Variants in RAI1 observed in about 807,000 individuals in gnomAD.
RAI1 encodes the protein retinoic acid induced 1, also known as retinoic acid-induced protein 1.
In RAI1, 9 loss-of-function variants were observed where a neutral mutation model predicts 123.8. The observed-to-expected ratio is 0.07, with a 90% CI of 0.04 to 0.13. RAI1 has a LOEUF of 0.13. Among genes scored for constraint, RAI1 ranks in the 10% least tolerant of loss-of-function variants. RAI1 has a pLI of 1.00. For missense variants in RAI1, 2,256 were observed against 2,545.8 expected, an observed-to-expected ratio of 0.89 and a Z score of 2.45; for synonymous variants, 1,231 against 1,127.3, an observed-to-expected ratio of 1.09 and a Z score of -1.84.
At chr17:17,782,458 G>A (rs2031623519) in intron 2 of RAI1, among the ~76,000 whole-genome samples, 1 of 151,658 alleles carries the variant, frequency 6.6e-6, no homozygotes, top group Non-Finnish European at 1.5e-5. Flanking sequence ...ACGTGTGCGG[G>A]GCCGCGCGCC....
intron 2 of RAI1, among the ~76,000 whole-genome samples, chr17:17,771,491 T>A (rs1254427245): frequency 1.3e-5 from 2 of 152,146 alleles, no homozygotes. Context: ...CTCTAGAGGC[T>A]GTGGGGACAG....
intron 2 of RAI1, among the ~76,000 whole-genome samples, chr17:17,782,925 G>T (rs1266629349): frequency 6.6e-6 from 1 of 152,078 alleles, no homozygotes; most frequent in Non-Finnish European, 1.5e-5. Flanking sequence ...CGCCCTGCGC[G>T]CCCCTTGCCG....
At chr17:17,709,415 C>T (rs1472179255) in intron 1 of RAI1, among the ~76,000 whole-genome samples, 1 of 152,128 alleles carries the variant, frequency 6.6e-6, no homozygotes, top group Non-Finnish European at 1.5e-5. Flanking sequence ...TACTCCTACC[C>T]CGACTCTCTT....
Position 17,801,041 on chromosome 17 carries a change from C to G in RAI1, c.5565+2528C>G, listed in dbSNP as rs1223925015. 6.6e-6 allele frequency among the ~76,000 whole-genome samples: 1 copy of G among 152,200 alleles called. No homozygotes were observed. Among genetic ancestry groups the G allele is most frequent in the African/African-American group, 2.4e-5 (1 of 41,452 alleles). On this transcript the variant is annotated intron_variant, in intron 3 of 5. Coordinates refer to ENST00000353383, the MANE Select transcript of RAI1 (RefSeq NM_030665.4). The surrounding 1 kb of genome is among the most constrained non-coding windows in gnomAD (Gnocchi z 4.1). ...GCTGTGTCCCTGGCCCCAGCACTGC[C>G]ACACCCCTCGGTACCTTGACCTCAC...
At chr17:17,706,302 A>G (rs1915393083) in intron 1 of RAI1, among the ~76,000 whole-genome samples, 1 of 152,188 alleles carries the variant, frequency 6.6e-6, no homozygotes, top group Non-Finnish European at 1.5e-5. Context: ...TCCGGCCAGC[A>G]GGGATGGGAC....
At chr17:17,789,114 A>G (rs535467087) in intron 2 of RAI1, among the ~76,000 whole-genome samples, 1 of 152,344 alleles carries the variant, frequency 6.6e-6, no homozygotes, top group South Asian at 2.1e-4. Flanking sequence ...TTTGGCTTGC[A>G]TCCTGCTCCA....
At position 17,809,194 on chromosome 17, in the gene RAI1, C is replaced by T. The variant is rs997573153; in HGVS notation, c.5660-196C>T. ...GGTGAGGTGAGTCAAGACTGCCAGG[C>T]CAGGGGCCGCACCCGCGCCGTGGAG... On this transcript the variant is annotated intron_variant, in intron 4 of 5. Coordinates refer to ENST00000353383, the MANE Select transcript of RAI1 (RefSeq NM_030665.4). The surrounding 1 kb of genome is among the most constrained non-coding windows in gnomAD (Gnocchi z 4.9). The T allele has an allele frequency of 1.5e-6, 1 of 682,670 alleles. No individual in the cohort carries two copies. The highest frequency in any genetic ancestry group is 2.7e-6 in the Non-Finnish European group (1 of 376,248). The allele number at this position is 682,670 out of a possible 1,614,324, so 42.3% of individuals were successfully genotyped here.
intron 1 of RAI1, among the ~76,000 whole-genome samples, chr17:17,712,951 G>C (rs1915609722): frequency 6.6e-6 from 1 of 151,840 alleles, no homozygotes. Flanking sequence ...AATCCAGAGA[G>C]ACAGACAGGA....
intron 4 of RAI1, among the ~76,000 whole-genome samples, chr17:17,805,074 G>A (rs909768230): frequency 2.6e-5 from 4 of 152,054 alleles, no homozygotes; most frequent in Admixed American, 6.6e-5. Context: ...CTTTGGACAG[G>A]ATGGTCTCCA....
chr17:17,709,461 C>T (rs1391280581), intron 1 of RAI1, among the ~76,000 whole-genome samples: 2 of 152,248 alleles, frequency 1.3e-5, no homozygotes, highest in Non-Finnish European at 1.5e-5. Flanking sequence ...CCCTGCCTGC[C>T]TCGGCCTCCC....
At position 17,796,887 on chromosome 17, in the gene RAI1, C is replaced by G. The variant is rs778717850; in HGVS notation, c.3939C>G (p.Ala1313=). ...KLASRAAFQG[A]MKTKVLPPRK... is the part of the protein sequence containing the mutation. ...CCTCTCGGGCAGCCTTCCAGGGGGC[C>G]ATGAAGACCAAGGTGCTGCCACCCC... The change falls in exon 3 of 6, where the codon GCC becomes GCG. Residue 1313 remains alanine (A), a synonymous_variant. Transcript: ENST00000353383. This position sits in a 1 kb window ranked among gnomAD's most constrained non-coding sequence, Gnocchi z 5.8. 1 of 1,613,258 alleles carries G rather than the reference C, an allele frequency of 6.2e-7. No individual in the cohort carries two copies. The highest frequency in any genetic ancestry group is 1.1e-5 in the South Asian group (1 of 91,080).
chr17:17,778,744 G>A (rs1355974298), intron 2 of RAI1: 3 of 456,622 alleles, frequency 6.6e-6, no homozygotes, highest in African/African-American at 6.0e-5. Flanking sequence ...ATGCTGGAGA[G>A]CCCGCCAAGA....
chr17:17,807,029 A>G (rs1472675408), intron 4 of RAI1, among the ~76,000 whole-genome samples: 4 of 152,044 alleles, frequency 2.6e-5, no homozygotes, highest in African/African-American at 4.8e-5. Context: ...CTCGCCCACC[A>G]TCAGCAGGCG....
At chr17:17,697,190 A>G (rs1465815155) in intron 1 of RAI1, among the ~76,000 whole-genome samples, 4 of 152,248 alleles carry the variant, frequency 2.6e-5, no homozygotes, top group Non-Finnish European at 5.9e-5. Flanking sequence ...ACGGTTTGGC[A>G]TTTAAAAGGC....
In RAI1 at chr17:17,794,469, C is replaced by T. The variant is rs2032153037; in HGVS notation, c.1521C>T (p.Ser507=). Residue 507 remains serine (S), a synonymous_variant, in exon 3 of 6, where the codon TCC becomes TCT. Coordinates refer to ENST00000353383, the MANE Select transcript of RAI1 (RefSeq NM_030665.4). ...AGCCGCCGAGCAGCACGCCACAGTC[C>T]ACGCATGCGGAGCCGCAGGAGGCCG... ...LSEPPSSTPQ[S]THAEPQEADY... 1 of 1,612,358 alleles carries T rather than the reference C, an allele frequency of 6.2e-7. No homozygotes were observed. Among genetic ancestry groups the T allele is most frequent in the African/African-American group, 1.3e-5 (1 of 75,052 alleles).
rs763907492 is a variant in RAI1, at chr17:17,793,787, AGCAGCAG to A, written c.840_846del (p.Gln280HisfsTer82). The A allele has an allele frequency of 1.3e-4, 192 of 1,515,550 alleles. No individual in the cohort carries two copies. Among genetic ancestry groups the A allele is most frequent in the East Asian group, 5.4e-4 (23 of 42,412 alleles). 93.9% of individuals were successfully genotyped at this position (1,515,550 alleles called of 1,614,324 possible). On this transcript the variant is annotated frameshift_variant, in exon 3 of 6. Coordinates refer to ENST00000353383, the MANE Select transcript of RAI1 (RefSeq NM_030665.4). LOFTEE classifies it high-confidence loss of function. ...GGCCGCCTCAGCTATGACCAGCAGC[AGCAGCAG>A]CAGCAGCAGCAGCAGCAGCAGCAGC...
intron 2 of RAI1, among the ~76,000 whole-genome samples, chr17:17,749,725 T>TG (rs1431686861): frequency 3.9e-5 from 6 of 152,228 alleles, no homozygotes; most frequent in African/African-American, 9.6e-5. Context: ...GAAGCCTTCC[T>TG]GCCCTGGTTT....
chr17:17,792,577 C>G (rs1055624688), intron 2 of RAI1, among the ~76,000 whole-genome samples: 31 of 86,214 alleles, frequency 3.6e-4, no homozygotes, highest in Non-Finnish European at 4.5e-4. Flanking sequence ...TGGCAATGGG[C>G]GGGGGGGGGG....
intron 1 of RAI1, among the ~76,000 whole-genome samples, chr17:17,712,667 A>G (rs1438020675): frequency 2.0e-5 from 3 of 152,176 alleles, no homozygotes; most frequent in Admixed American, 1.3e-4. Context: ...AGAAGGGGCT[A>G]TTGCACTTGT....
Sources: allele counts gnomAD v4.1 joint callset (sites outside exome capture counted in the v4.1 genomes callset), GRCh38; gene constraint gnomAD v4.1.1; non-coding constraint Gnocchi (gnomAD v3.1); transcripts MANE v1.5; gene names NCBI Gene and HGNC (gene_info 2026-07-23, HGNC 2026-07-21).